The following MARK1 variants were observed in gnomAD, a reference collection of about 807,000 sequenced individuals.
MARK1 encodes the protein serine/threonine-protein kinase MARK1.
In MARK1, 40 loss-of-function variants were observed where a neutral mutation model predicts 96.3. That is an observed-to-expected ratio of 0.42 (90% CI 0.32 to 0.54). The LOEUF (loss-of-function observed/expected upper bound fraction) is 0.54, where lower values mean the gene tolerates loss of function less well. MARK1 is among the 20% of genes least tolerant of loss of function. The probability of loss-of-function intolerance (pLI) is 0.16; values close to 1 mark genes in which losing one functional copy is unlikely to be tolerated. For missense variants in MARK1, 719 were observed against 984.6 expected, an observed-to-expected ratio of 0.73 and a Z score of 3.61; for synonymous variants, 317 against 341.2, an observed-to-expected ratio of 0.93 and a Z score of 0.78.
At chr1:220,570,324 T>TAA (rs1663354474) in intron 1 of MARK1, among the ~76,000 whole-genome samples, 1 of 152,242 alleles carries the variant, frequency 6.6e-6, no homozygotes, top group Admixed American at 6.5e-5. Flanking sequence ...TCCTGTCTCT[T>TAA]ACAACTTTTT....
chr1:220,563,228 T>C (rs952610716), intron 1 of MARK1, among the ~76,000 whole-genome samples: 2 of 152,078 alleles, frequency 1.3e-5, no homozygotes, highest in Non-Finnish European at 2.9e-5. Context: ...TTTTGGCAAA[T>C]CGTAAATACA....
At chr1:220,642,004 A>C (rs903253776) in intron 13 of MARK1, among the ~76,000 whole-genome samples, 10 of 152,216 alleles carry the variant, frequency 6.6e-5, no homozygotes, top group African/African-American at 1.9e-4. Context: ...TGCCCCTGTC[A>C]GCAGCCGTTT....
At chr1:220,562,001 A>G (rs1179528170) in intron 1 of MARK1, among the ~76,000 whole-genome samples, 3 of 152,198 alleles carry the variant, frequency 2.0e-5, no homozygotes, top group African/African-American at 4.8e-5. Flanking sequence ...ACATTTGGCA[A>G]TCTTACACTA....
chr1:220,578,470 T>C (rs1664019684), intron 1 of MARK1, among the ~76,000 whole-genome samples: 1 of 152,196 alleles, frequency 6.6e-6, no homozygotes, highest in Non-Finnish European at 1.5e-5. Flanking sequence ...AATGGATAGA[T>C]TATGGACCTG....
At chr1:220,653,039 A>C in intron 15 of MARK1, 62 bp from the exon 16 acceptor site, 2 of 1,584,186 alleles carry the variant, frequency 1.3e-6, no homozygotes, top group Non-Finnish European at 1.7e-6. Context: ...TCAAGTTTTT[A>C]GCTTGAGTGA....
At chr1:220,596,646 G>A (rs1665377653) in intron 3 of MARK1, among the ~76,000 whole-genome samples, 1 of 151,980 alleles carries the variant, frequency 6.6e-6, no homozygotes, top group African/African-American at 2.4e-5. Flanking sequence ...TGTTTTAATT[G>A]GGGTGAACAT....
rs1666871172 is a variant in MARK1, at chr1:220,618,341, A to G, written c.584A>G (p.Asn195Ser). Reference sequence around the variant, plus strand: ...AACCTTCTCCTTGATGGTGATATGAATATTAAAATTGCTGACTTTGGTTTT... The same window carrying G: ...AACCTTCTCCTTGATGGTGATATGAGTATTAAAATTGCTGACTTTGGTTTT... ...AENLLLDGDM[N>S]IKIADFGFSN... Residue 195 changes from asparagine (N) to serine (S), a missense_variant, in exon 8 of 18, where the codon AAT becomes AGT. Physicochemically the swap from Asn to Ser is conservative, Grantham distance 46. This residue lies in a region of MARK1 where 96 missense variants were observed against 213.1 expected (regional missense o/e 0.45). Coordinates refer to ENST00000366917, the MANE Select transcript of MARK1 (RefSeq NM_018650.5). The surrounding 1 kb of genome is among the most constrained non-coding windows in gnomAD (Gnocchi z 4.6). 1.2e-6 allele frequency: 2 copies of G among 1,613,116 alleles called. No homozygotes were observed. Among genetic ancestry groups the G allele is most frequent in the Non-Finnish European group, 1.7e-6 (2 of 1,179,212 alleles).
At chr1:220,528,898 G>A in intron 1 of MARK1, 25 bp downstream of exon 1, 3 of 1,551,556 alleles carry the variant, frequency 1.9e-6, no homozygotes, top group Non-Finnish European at 1.7e-6. Flanking sequence ...CCTCCCTCGG[G>A]AGCAGTGGGG....
intron 1 of MARK1, among the ~76,000 whole-genome samples, chr1:220,540,493 C>G (rs147221031): frequency 1.3e-5 from 2 of 152,088 alleles, no homozygotes; most frequent in Non-Finnish European, 2.9e-5. Context: ...TTGGATATAC[C>G]CCAAAATAAT....
chr1:220,600,881 C>G (rs376408737), intron 5 of MARK1, among the ~76,000 whole-genome samples: 3 of 131,388 alleles, frequency 2.3e-5, no homozygotes, highest in South Asian at 5.2e-4. Flanking sequence ...TCTCGTATTT[C>G]TTTTCTTTTT....
chr1:220,587,641 A>T (rs1258262309), intron 3 of MARK1, among the ~76,000 whole-genome samples: 1 of 152,120 alleles, frequency 6.6e-6, no homozygotes. Flanking sequence ...AAGTGCTGGG[A>T]TTACAGGCAT....
At chr1:220,605,526 T>A (rs1471736908) in intron 6 of MARK1, among the ~76,000 whole-genome samples, 2 of 152,082 alleles carry the variant, frequency 1.3e-5, no homozygotes, top group East Asian at 1.9e-4. Flanking sequence ...CTTCCTTTTT[T>A]AAATTATACT....
At chr1:220,632,715 G>A (rs568707335) in intron 11 of MARK1, among the ~76,000 whole-genome samples, 1 of 152,298 alleles carries the variant, frequency 6.6e-6, no homozygotes, top group East Asian at 1.9e-4. Flanking sequence ...TTTAAAAGAG[G>A]TAACTCCAGG....
chr1:220,650,677 A>G lies in MARK1; in HGVS notation c.1528A>G (p.Thr510Ala), dbSNP rs143958059. ...ARRNTYVCER[T>A]TDRYVALQNG... is the part of the protein sequence containing the mutation. ...AAGGAATACATATGTCTGTGAAAGG[A>G]CCACAGATCGATACGTAGCATTGCA... Residue 510 changes from threonine to alanine, a missense_variant, in exon 14 of 18, where the codon ACC (threonine) becomes GCC (alanine). By Grantham distance (58) the Thr-to-Ala change is moderately conservative. Transcript: ENST00000366917. 3.7e-6 allele frequency: 6 copies of G among 1,613,834 alleles called. No homozygotes were observed. The highest frequency in any genetic ancestry group is 5.1e-6 in the Non-Finnish European group (6 of 1,179,784).
intron 9 of MARK1, among the ~76,000 whole-genome samples, chr1:220,621,986 T>C (rs531463140): frequency 6.6e-6 from 1 of 152,328 alleles, no homozygotes; most frequent in Non-Finnish European, 1.5e-5. Context: ...CTATAGTTTG[T>C]TTCTAGACAT....
chr1:220,547,295 G>A (rs2102731407), intron 1 of MARK1, among the ~76,000 whole-genome samples: 1 of 152,324 alleles, frequency 6.6e-6, no homozygotes, highest in East Asian at 1.9e-4. Flanking sequence ...GTTTAAACCA[G>A]TGGAATTGGC....
intron 1 of MARK1, 32 bp downstream of exon 1, chr1:220,528,905 G>T (rs1288689495): frequency 6.5e-7 from 1 of 1,543,378 alleles, no homozygotes; most frequent in Non-Finnish European, 8.7e-7. Context: ...CGGGAGCAGT[G>T]GGGGCGAGAC....
chr1:220,564,520 C>G (rs1462485253), intron 1 of MARK1, among the ~76,000 whole-genome samples: 1 of 151,710 alleles, frequency 6.6e-6, no homozygotes, highest in Non-Finnish European at 1.5e-5. Context: ...ATTGTTTTCT[C>G]TATATATTAT....
At chr1:220,617,311 TA>T (rs545700910) in intron 7 of MARK1, among the ~76,000 whole-genome samples, 273 of 152,180 alleles carry the variant, frequency 1.8e-3, no homozygotes, top group Middle Eastern at 6.8e-3. Context: ...TAGTATACCA[TA>T]AAAAAGAAGA....
Sources: gnomAD v4.1 joint callset for allele counts (sites outside exome capture counted in the v4.1 genomes callset) on GRCh38, gnomAD v4.1.1 for gene constraint, gnomAD v4.1.1 regional missense constraint, Gnocchi (gnomAD v3.1) non-coding constraint, MANE v1.5 for transcripts, NCBI Gene and HGNC (gene_info 2026-07-23, HGNC 2026-07-21) for gene names.